CAMK1D: variants seen among roughly 807,000 people sequenced by gnomAD.
The protein encoded by CAMK1D is calcium/calmodulin-dependent protein kinase type 1D.
Under a neutral mutation model 47.7 loss-of-function variants are expected in CAMK1D, and 9 were observed. The observed-to-expected ratio is 0.19, with a 90% CI of 0.11 to 0.33. The LOEUF is 0.33. Among genes scored for constraint, CAMK1D ranks in the 10% least tolerant of loss-of-function variants. The pLI, the probability that CAMK1D is intolerant of heterozygous loss-of-function variation, is 1.00. For synonymous variants in CAMK1D, 184 were observed against 184.9 expected (o/e 0.99, Z 0.04); for missense variants, 291 against 488.7 (o/e 0.60, Z 3.81).
intron 2 of CAMK1D, among the ~76,000 whole-genome samples, chr10:12,659,641 A>ATT (rs147465635): frequency 4.9e-4 from 74 of 151,524 alleles, no homozygotes; most frequent in African/African-American, 1.7e-3. Context: ...GGAGGAAATG[A>ATT]TTTTTTTTTC....
intron 8 of CAMK1D, 121 bp downstream of exon 8, chr10:12,816,449 C>T: frequency 2.5e-6 from 2 of 786,578 alleles, no homozygotes; most frequent in Non-Finnish European, 2.1e-6. Context: ...AATTTCATCT[C>T]ATTCTGGCCA....
At chr10:12,628,017 G>T (rs1022199939) in intron 2 of CAMK1D, among the ~76,000 whole-genome samples, 1 of 151,276 alleles carries the variant, frequency 6.6e-6, no homozygotes, top group African/African-American at 2.4e-5. Context: ...GAAGGCAGAG[G>T]TTGCAGTGAA....
chr10:12,670,126 CTTTTTTT>C (rs58173311), intron 3 of CAMK1D, among the ~76,000 whole-genome samples: 2 of 88,206 alleles, frequency 2.3e-5, no homozygotes, highest in Admixed American at 2.5e-4. Flanking sequence ...TACCGTTTTG[CTTTTTTT>C]TTTTTTTTTT....
chr10:12,804,965 C>CA (rs935532026), intron 6 of CAMK1D, among the ~76,000 whole-genome samples: 68 of 102,126 alleles, frequency 6.7e-4, no homozygotes, highest in Non-Finnish European at 1.2e-3. Context: ...AAAAAAGATA[C>CA]AAAAAAAATA....
chr10:12,780,247 C>G (rs375433985), intron 5 of CAMK1D, among the ~76,000 whole-genome samples: 3 of 152,218 alleles, frequency 2.0e-5, no homozygotes, highest in Admixed American at 6.5e-5. Flanking sequence ...GCGAGGACCT[C>G]TATCCTCAAA....
At chr10:12,392,354 C>G (rs1838766911) in intron 1 of CAMK1D, among the ~76,000 whole-genome samples, 1 of 151,816 alleles carries the variant, frequency 6.6e-6, no homozygotes, top group Non-Finnish European at 1.5e-5. Context: ...ACAAAACCCC[C>G]ACAACTCCTC....
chr10:12,629,663 G>A (rs1407397314), intron 2 of CAMK1D, among the ~76,000 whole-genome samples: 1 of 152,194 alleles, frequency 6.6e-6, no homozygotes, highest in East Asian at 1.9e-4. Context: ...CCAGAAGTGT[G>A]CCAAACTGTA....
intron 2 of CAMK1D, among the ~76,000 whole-genome samples, chr10:12,593,975 G>T (rs547405378): frequency 6.6e-6 from 1 of 152,160 alleles, no homozygotes; most frequent in African/African-American, 2.4e-5. Flanking sequence ...TCAGGAGTTC[G>T]AGACCAGCCT....
chr10:12,573,999 A>G (rs1049154549), intron 2 of CAMK1D, among the ~76,000 whole-genome samples: 1 of 151,590 alleles, frequency 6.6e-6, no homozygotes, highest in Non-Finnish European at 1.5e-5. Flanking sequence ...AATTATTTAT[A>G]TTGTATTTTT....
At chr10:12,440,110 T>C (rs1832743625) in intron 1 of CAMK1D, among the ~76,000 whole-genome samples, 1 of 152,120 alleles carries the variant, frequency 6.6e-6, no homozygotes, top group African/African-American at 2.4e-5. Context: ...AGCCAAACCA[T>C]ATCACTTGTC....
rs376599069 is a variant in CAMK1D at position 12,693,670 on chromosome 10, C to T, written c.299+26860C>T. 5.3e-5 allele frequency among the ~76,000 whole-genome samples: 8 copies of T among 151,380 alleles called. No individual in the cohort carries two copies. The East Asian group carries it at 7.9e-4, about 15-fold the overall frequency. ...AACTCTGCCTGAGTTTCCAGCCTAC[C>T]TGGCCCGCTCTGTTGATTTCATACA... On this transcript the variant is annotated intron_variant, in intron 3 of 10. Coordinates refer to ENST00000619168, the MANE Select transcript of CAMK1D (RefSeq NM_153498.4).
chr10:12,483,976 G>A (rs1448850735), intron 1 of CAMK1D, among the ~76,000 whole-genome samples: 1 of 152,174 alleles, frequency 6.6e-6, no homozygotes, highest in East Asian at 1.9e-4. Flanking sequence ...GAGCCACTGT[G>A]CTTGGCCTCC....
intron 1 of CAMK1D, among the ~76,000 whole-genome samples, chr10:12,395,763 T>C (rs1838921450): frequency 6.7e-6 from 1 of 149,794 alleles, no homozygotes. Flanking sequence ...GCCATCTCTA[T>C]GAAAAATACA....
In CAMK1D at chr10:12,462,315, G is replaced by A. The variant is rs373517634; in HGVS notation, c.93-90910G>A. Among the ~76,000 whole-genome samples, 6 of 151,452 alleles carry A rather than the reference G, an allele frequency of 4.0e-5. No individual in the cohort carries two copies. The East Asian group carries it at 5.9e-4, about 15-fold the overall frequency. On this transcript the variant is annotated intron_variant, in intron 1 of 10. Transcript: ENST00000619168. ...CGAGTAACTGGGACTACGGGCACGCGCCACCGTGGCCAGCTAATGTTTGTA... is the reference window on the plus strand; with the variant it reads ...CGAGTAACTGGGACTACGGGCACGCACCACCGTGGCCAGCTAATGTTTGTA...
At chr10:12,693,994 T>A (rs1374161861) in intron 3 of CAMK1D, among the ~76,000 whole-genome samples, 1 of 76,320 alleles carries the variant, frequency 1.3e-5, no homozygotes, top group Non-Finnish European at 2.3e-5. Context: ...TATATACATA[T>A]AATATATATA....
chr10:12,816,872 C>CAAAA (rs71386122), intron 8 of CAMK1D, among the ~76,000 whole-genome samples: 1 of 57,426 alleles, frequency 1.7e-5, no homozygotes, highest in Non-Finnish European at 3.9e-5. Context: ...AACTCTGTCT[C>CAAAA]AAAAAAAAAA....
At chr10:12,518,791 C>G (rs1188839778) in intron 1 of CAMK1D, among the ~76,000 whole-genome samples, 1 of 104,936 alleles carries the variant, frequency 9.5e-6, no homozygotes, top group Non-Finnish European at 2.1e-5. Flanking sequence ...TTTCAGAGAG[C>G]ACAGGGTTGG....
intron 5 of CAMK1D, among the ~76,000 whole-genome samples, 193 bp downstream of exon 5, chr10:12,769,992 T>G (rs539232058): frequency 6.6e-6 from 1 of 152,366 alleles, no homozygotes; most frequent in African/African-American, 2.4e-5. Flanking sequence ...AGCAGGGAAG[T>G]GATTTCCCCT....
intron 1 of CAMK1D, among the ~76,000 whole-genome samples, chr10:12,382,824 C>T (rs1838381923): frequency 6.6e-6 from 1 of 151,860 alleles, no homozygotes; most frequent in African/African-American, 2.4e-5. Context: ...GACTTCATCT[C>T]AAACAAACAA....
Sources: gnomAD v4.1 joint callset for allele counts (sites outside exome capture counted in the v4.1 genomes callset) on GRCh38, gnomAD v4.1.1 for gene constraint, MANE v1.5 for transcripts, NCBI Gene and HGNC (gene_info 2026-07-23, HGNC 2026-07-21) for gene names.